Variants in TPH1 observed in about 807,000 individuals in gnomAD.
The protein encoded by TPH1 is tryptophan hydroxylase 1.
A neutral mutation model predicts 49.5 loss-of-function variants in TPH1; 37 were observed. That is an observed-to-expected ratio of 0.75 (90% CI 0.58 to 0.98). TPH1 has a LOEUF of 0.98. Ranked by LOEUF, TPH1 falls within the 50% of genes least tolerant of loss-of-function variation. The pLI is 0.00. For synonymous variants in TPH1, 160 were observed against 182.1 expected (o/e 0.88, Z 0.98); for missense variants, 487 against 523.6 (o/e 0.93, Z 0.68).
At chr11:18,034,301 C>T (rs1165857690) in intron 3 of TPH1, among the ~76,000 whole-genome samples, 1 of 152,182 alleles carries the variant, frequency 6.6e-6, no homozygotes, top group African/African-American at 2.4e-5. Flanking sequence ...TAACTCACTC[C>T]TTTTGGAATA....
chr11:18,044,125 G>A (rs1848120422), intron 1 of TPH1, among the ~76,000 whole-genome samples: 2 of 152,104 alleles, frequency 1.3e-5, no homozygotes, highest in African/African-American at 2.4e-5. Context: ...TGTATTTAAA[G>A]ACATACATTA....
chr11:18,021,534 C>G (rs565599363), intron 10 of TPH1, among the ~76,000 whole-genome samples: 1 of 152,240 alleles, frequency 6.6e-6, no homozygotes, highest in South Asian at 2.1e-4. Context: ...AAAACTGTTT[C>G]ATTACAACAC....
chr11:18,042,906 G>T (rs1256718889), intron 1 of TPH1, among the ~76,000 whole-genome samples: 1 of 152,172 alleles, frequency 6.6e-6, no homozygotes, highest in Non-Finnish European at 1.5e-5. Context: ...GTATTGTTTT[G>T]TATCAAGGTG....
At chr11:18,030,211 C>A (rs892078951) in intron 4 of TPH1, among the ~76,000 whole-genome samples, 1 of 151,842 alleles carries the variant, frequency 6.6e-6, no homozygotes, top group Non-Finnish European at 1.5e-5. Context: ...GAGTTTGAGA[C>A]CAGCCTGGGC....
In TPH1 at chr11:18,020,727, G is replaced by T. The variant is rs1854349182; in HGVS notation, c.*264C>A. 2 of 397,080 alleles carry T rather than the reference G, an allele frequency of 5.0e-6. No homozygotes were observed. Among genetic ancestry groups the T allele is most frequent in the South Asian group, 5.2e-5 (2 of 38,812 alleles). The allele number at this position is 397,080 out of a possible 1,614,324, so 24.6% of individuals were successfully genotyped here. ...AACAACTTCTCTATTAAAAATGGGTGGTCAGTGGCTTGTATGGTATATAAA... is the reference window on the plus strand; with the variant it reads ...AACAACTTCTCTATTAAAAATGGGTTGTCAGTGGCTTGTATGGTATATAAA... On this transcript the variant is annotated 3_prime_UTR_variant, in exon 11 of 11. Transcript: ENST00000682019.
chr11:18,025,492 C>T, intron 8 of TPH1, 83 bp downstream of exon 8: 1 of 1,591,646 alleles, frequency 6.3e-7, no homozygotes, highest in Non-Finnish European at 8.6e-7. Flanking sequence ...TTCTAATGGT[C>T]ATTCTGAATA....
intron 3 of TPH1, among the ~76,000 whole-genome samples, chr11:18,033,976 C>A (rs1848018805): frequency 6.6e-6 from 1 of 152,200 alleles, no homozygotes; most frequent in African/African-American, 2.4e-5. Context: ...GAGATCTTCT[C>A]ATTCCGCAAA....
At chr11:18,025,543 A>G in intron 8 of TPH1, 32 bp downstream of exon 8, 2 of 1,613,164 alleles carry the variant, frequency 1.2e-6, no homozygotes, top group Non-Finnish European at 1.7e-6. Flanking sequence ...ACCCTACCCC[A>G]GGTGAAAATA....
At chr11:18,046,094 G>T (rs952689502) in intron 1 of TPH1, among the ~76,000 whole-genome samples, 147 bp downstream of exon 1, 2 of 152,154 alleles carry the variant, frequency 1.3e-5, no homozygotes, top group African/African-American at 4.8e-5. Flanking sequence ...GTTTATAGGG[G>T]TACAACTCCG....
rs537146753 is a variant in TPH1 at position 18,023,131 on chromosome 11, C to A, written c.1027-200G>T. On this transcript the variant is annotated intron_variant, in intron 9 of 10. Transcript: ENST00000682019. The stretch of plus-strand genomic sequence containing the variant: ...GGCTTGCCCTTCCCTGTAAATACCC[C>A]CAAGATCCTCTCCATGGCTTTGTTC... The A allele has an allele frequency of 2.2e-5, 12 of 557,966 alleles. No homozygotes were observed. The African/African-American group carries it at 2.3e-4, about 11-fold the overall frequency. 34.6% of individuals were successfully genotyped at this position (557,966 alleles called of 1,614,324 possible). A position where few individuals can be genotyped will look rare whatever the true frequency, so the allele number is the denominator to read the frequency against.
Position 18,029,312 on chromosome 11 carries a change from A to G in TPH1, c.520T>C (p.Trp174Arg). ...TTGAGCTCTTGGAATACGGTTCCCC[A>G]GGTCTTAATCTCCTCTTCAGTGAAT... ...VEFTEEEIKT[W>R]GTVFQELNKL... The change falls in exon 6 of 11, where the codon TGG becomes CGG. Residue 174 changes from tryptophan to arginine, a missense_variant. Transcript: ENST00000682019. 1 of 1,614,126 alleles carries G rather than the reference A, an allele frequency of 6.2e-7. No individual in the cohort carries two copies. Among genetic ancestry groups the G allele is most frequent in the Non-Finnish European group, 8.5e-7 (1 of 1,179,992 alleles).
rs1324277224 is a variant in TPH1, at chr11:18,017,644, T to G, written c.*3347A>C. 6.6e-6 allele frequency: 1 copy of G among 152,182 alleles called. No homozygotes were observed. Among genetic ancestry groups the G allele is most frequent in the Non-Finnish European group, 1.5e-5 (1 of 68,018 alleles). 9.4% of individuals were successfully genotyped at this position (152,182 alleles called of 1,614,324 possible). A position where few individuals can be genotyped will look rare whatever the true frequency, so the allele number is the denominator to read the frequency against. ...ATATATTACATAGTAAAACAAAGAT[T>G]AGACCAAAATAGACCATAGTACCTT... On this transcript the variant is annotated 3_prime_UTR_variant, in exon 11 of 11. Coordinates refer to ENST00000682019, the MANE Select transcript of TPH1 (RefSeq NM_004179.3).
chr11:18,019,014 A>G lies in TPH1; in HGVS notation c.*1977T>C, dbSNP rs1854328506. On this transcript the variant is annotated 3_prime_UTR_variant, in exon 11 of 11. Transcript: ENST00000682019. ...TTACAGTAGATTTCCTTGCAACCAAACTATAAATCAGATAATCAATATTTC... is the reference window on the plus strand; with the variant it reads ...TTACAGTAGATTTCCTTGCAACCAAGCTATAAATCAGATAATCAATATTTC... The G allele has an allele frequency of 6.6e-6, 1 of 152,152 alleles. No homozygotes were observed. The allele number at this position is 152,152 out of a possible 1,614,324, so 9.4% of individuals were successfully genotyped here.
chr11:18,026,057 C>T (rs1413502507), intron 7 of TPH1, among the ~76,000 whole-genome samples: 2 of 152,046 alleles, frequency 1.3e-5, no homozygotes, highest in African/African-American at 4.8e-5. Flanking sequence ...GCAACACACA[C>T]ACACACTCCC....
At chr11:18,039,346 A>G (rs1848076943) in intron 2 of TPH1, among the ~76,000 whole-genome samples, 1 of 152,198 alleles carries the variant, frequency 6.6e-6, no homozygotes, top group African/African-American at 2.4e-5. Flanking sequence ...TTTTATGGAC[A>G]TAAATCATGA....
Position 18,036,159 on chromosome 11 carries a change from G to T in TPH1, c.118-17C>A. 1.2e-6 allele frequency: 2 copies of T among 1,600,170 alleles called. No homozygotes were observed. The highest frequency in any genetic ancestry group is 1.7e-6 in the Non-Finnish European group (2 of 1,169,158). On this transcript the variant is annotated splice_polypyrimidine_tract_variant and intron_variant, in intron 2 of 10. Transcript: ENST00000682019. ...ATGCTTCTCCTGTGTAAAGCACAGG[G>T]AAAAGATTTCATGTAACTGCCTCAA...
intron 2 of TPH1, among the ~76,000 whole-genome samples, chr11:18,039,206 T>A (rs900058431): frequency 6.6e-6 from 1 of 152,234 alleles, no homozygotes; most frequent in Admixed American, 6.5e-5. Flanking sequence ...TATATAATAG[T>A]ATGTCATATG....
At chr11:18,026,337 T>C (rs989430097) in intron 7 of TPH1, among the ~76,000 whole-genome samples, 153 bp downstream of exon 7, 1 of 143,042 alleles carries the variant, frequency 7.0e-6, no homozygotes, top group Non-Finnish European at 1.5e-5. Flanking sequence ...ATGTATTTCA[T>C]GCCAGGTACC....
At chr11:18,026,416 A>AAATAACCCAAAAGGT in intron 7 of TPH1, 74 bp downstream of exon 7, 1 of 1,239,420 alleles carries the variant, frequency 8.1e-7, no homozygotes, top group Non-Finnish European at 1.1e-6. Context: ...AAAAAAAAAA[A>AAATAACCCAAAAGGT]AGAACCCATA....
Sources: allele counts gnomAD v4.1 joint callset (sites outside exome capture counted in the v4.1 genomes callset), GRCh38; gene constraint gnomAD v4.1.1; transcripts MANE v1.5; gene names NCBI Gene and HGNC (gene_info 2026-07-23, HGNC 2026-07-21).